Variants in PPP1R13B observed in about 807,000 individuals in gnomAD.
The protein encoded by PPP1R13B is protein phosphatase 1 regulatory subunit 13B.
Under a neutral mutation model 119.8 loss-of-function variants are expected in PPP1R13B, and 44 were observed. That is an observed-to-expected ratio of 0.37 (90% CI 0.29 to 0.47). The LOEUF (loss-of-function observed/expected upper bound fraction) is 0.47, where lower values mean the gene tolerates loss of function less well. PPP1R13B is among the 20% of genes least tolerant of loss of function. The pLI is 0.99. For missense variants in PPP1R13B, 1,227 were observed against 1,413.5 expected (o/e 0.87, Z 2.12); for synonymous variants, 542 against 561.5 (o/e 0.97, Z 0.49).
chr14:103,831,825 A>C (rs2086670168), intron 1 of PPP1R13B, among the ~76,000 whole-genome samples: 1 of 151,660 alleles, frequency 6.6e-6, no homozygotes, highest in African/African-American at 2.4e-5. Flanking sequence ...AGTCCCAGCT[A>C]TTTGGGAGGC....
At chr14:103,822,051 T>G (rs147543355) in intron 1 of PPP1R13B, among the ~76,000 whole-genome samples, 2 of 152,010 alleles carry the variant, frequency 1.3e-5, no homozygotes, top group African/African-American at 4.8e-5. Flanking sequence ...CATCTGGATA[T>G]ATGGAAACCC....
At position 103,847,502 on chromosome 14, in the gene PPP1R13B, G is replaced by C. The variant is rs1239076105; in HGVS notation, c.-195C>G. Reference sequence around the variant, plus strand: ...GTCGCGGCCGCCGGCGCGCTGCGTCGCTGTCCCGGGCACCCGGCCGCCGCC... The same window carrying C: ...GTCGCGGCCGCCGGCGCGCTGCGTCCCTGTCCCGGGCACCCGGCCGCCGCC... On this transcript the variant is annotated 5_prime_UTR_variant, in exon 1 of 17. Transcript: ENST00000202556. 1.0e-6 allele frequency: 1 copy of C among 984,818 alleles called. No individual in the cohort carries two copies. The highest frequency in any genetic ancestry group is 1.2e-6 in the Non-Finnish European group (1 of 830,598). The allele number at this position is 984,818 out of a possible 1,614,324, so 61.0% of individuals were successfully genotyped here.
At chr14:103,828,357 G>A (rs928799998) in intron 1 of PPP1R13B, among the ~76,000 whole-genome samples, 18 of 119,588 alleles carry the variant, frequency 1.5e-4, no homozygotes, top group Non-Finnish European at 3.0e-4. Context: ...CAACAAGAGC[G>A]AAACTCTGTC....
chr14:103,834,865 T>C (rs909804924), intron 1 of PPP1R13B, among the ~76,000 whole-genome samples: 120 of 152,222 alleles, frequency 7.9e-4, no homozygotes, highest in African/African-American at 2.7e-3. Flanking sequence ...AATGCTGGGA[T>C]TACAGGCGTG....
intron 7 of PPP1R13B, among the ~76,000 whole-genome samples, chr14:103,750,552 C>T (rs2084513926): frequency 6.6e-6 from 1 of 152,140 alleles, no homozygotes; most frequent in South Asian, 2.1e-4. Flanking sequence ...GATTGCAGGC[C>T]GGGTGCGGTG....
intron 1 of PPP1R13B, among the ~76,000 whole-genome samples, chr14:103,844,644 T>C (rs1250931703): frequency 6.6e-6 from 1 of 151,808 alleles, no homozygotes; most frequent in African/African-American, 2.4e-5. Context: ...CAGGAGAATC[T>C]CTCGAACCTG....
chr14:103,848,126 G>A (rs1443797135), upstream of PPP1R13B: 2 of 604,676 alleles, frequency 3.3e-6, no homozygotes, highest in South Asian at 1.5e-4. Flanking sequence ...CCGGCCCGAC[G>A]CCCTTGGCTG....
At chr14:103,754,757 TAAGA>T (rs1159399604) in intron 5 of PPP1R13B, among the ~76,000 whole-genome samples, 26 of 151,808 alleles carry the variant, frequency 1.7e-4, no homozygotes, top group Admixed American at 1.6e-3. Context: ...GCGGGATTTT[TAAGA>T]GAGAGGGTTT....
Position 103,781,303 on chromosome 14 carries a change from C to A in PPP1R13B, c.278-2482G>T, listed in dbSNP as rs1320669727. 1.3e-5 allele frequency among the ~76,000 whole-genome samples: 2 copies of A among 152,208 alleles called. 1 individual carries two copies. The highest frequency in any genetic ancestry group is 3.8e-4 in the East Asian group (2 of 5,202). On this transcript the variant is annotated intron_variant, in intron 3 of 16. Transcript: ENST00000202556. ...AGCAGCACTTCAACTGTCAGCCAGT[C>A]TAATCCTCCTCTTCAGGTGGATGTT...
rs983516828 is a variant in PPP1R13B at position 103,733,204 on chromosome 14, G to A, written c.*1950C>T. 5 of 683,666 alleles carry A rather than the reference G, an allele frequency of 7.3e-6. No individual in the cohort carries two copies. Among genetic ancestry groups the A allele is most frequent in the African/African-American group, 1.8e-5 (1 of 55,318 alleles). The allele number at this position is 683,666 out of a possible 1,614,324, so 42.3% of individuals were successfully genotyped here. On this transcript the variant is annotated 3_prime_UTR_variant, in exon 17 of 17. Coordinates refer to ENST00000202556, the MANE Select transcript of PPP1R13B (RefSeq NM_015316.3). ...TGCAATATGTTCACAGTTTATTAAT[G>A]CTTTAAACAGCTTCATGTTTTAGAA...
At chr14:103,762,558 C>G (rs2084833058) in intron 4 of PPP1R13B, among the ~76,000 whole-genome samples, 2 of 150,738 alleles carry the variant, frequency 1.3e-5, no homozygotes, top group Non-Finnish European at 2.9e-5. Context: ...CGTAACAAAC[C>G]TGCATGTTGT....
At chr14:103,843,019 T>C (rs1010459008) in intron 1 of PPP1R13B, among the ~76,000 whole-genome samples, 2 of 151,966 alleles carry the variant, frequency 1.3e-5, no homozygotes, top group African/African-American at 2.4e-5. Flanking sequence ...TCCCCACATA[T>C]ATCTCATCTA....
rs1200709033 is a variant in PPP1R13B, at chr14:103,749,653, C to CTGTCAT, written c.969+135_969+140dup. The CTGTCAT allele has an allele frequency of 8.1e-6, 7 of 863,920 alleles. No individual in the cohort carries two copies. In the Admixed American group the frequency reaches 1.8e-4, roughly 23 times the overall value. The allele number at this position is 863,920 out of a possible 1,614,324, so 53.5% of individuals were successfully genotyped here. On this transcript the variant is annotated intron_variant, in intron 8 of 16. Transcript: ENST00000202556. ...AGTCACTGGGAGAAGGAACTCTGTT[C>CTGTCAT]TGTCATTTTTGATGGTTTATGGCCT...
chr14:103,757,478 T>C (rs2084705395), intron 5 of PPP1R13B, among the ~76,000 whole-genome samples, 172 bp downstream of exon 5: 1 of 152,228 alleles, frequency 6.6e-6, no homozygotes, highest in African/African-American at 2.4e-5. Context: ...AACTACAGTA[T>C]GCATATATTA....
chr14:103,776,850 C>T (rs866280275), intron 4 of PPP1R13B, among the ~76,000 whole-genome samples: 4 of 147,872 alleles, frequency 2.7e-5, no homozygotes, highest in East Asian at 2.0e-4. Flanking sequence ...CCAGCCTGGG[C>T]GACAGAGTGA....
intron 1 of PPP1R13B, among the ~76,000 whole-genome samples, chr14:103,840,527 G>T (rs906050892): frequency 6.6e-6 from 1 of 152,174 alleles, no homozygotes; most frequent in Non-Finnish European, 1.5e-5. Flanking sequence ...AGTGGCTCAC[G>T]CCTGTAATTC....
At chr14:103,792,208 T>A (rs989144009) in intron 2 of PPP1R13B, among the ~76,000 whole-genome samples, 1 of 102,764 alleles carries the variant, frequency 9.7e-6, no homozygotes, top group East Asian at 2.7e-4. Flanking sequence ...GTGTATATTT[T>A]TTTAAAGACA....
chr14:103,813,422 G>A (rs1177136641), intron 1 of PPP1R13B, among the ~76,000 whole-genome samples: 1 of 152,160 alleles, frequency 6.6e-6, no homozygotes, highest in Non-Finnish European at 1.5e-5. Flanking sequence ...TAATACCCAT[G>A]TGTCAAGGGG....
rs151084316 is a variant in PPP1R13B at position 103,819,499 on chromosome 14, TA to T, written c.10-21982del. ...GCAAGAGAATGAGAAATCTGTCTAT[TA>T]AAAAAAACAAACAAACAAAAAAAAA... On this transcript the variant is annotated intron_variant, in intron 1 of 16. Transcript: ENST00000202556. Among the ~76,000 whole-genome samples the T allele has an allele frequency of 3.3e-5, 4 of 122,080 alleles. No individual in the cohort carries two copies. The South Asian group carries it at 7.3e-4, about 22-fold the overall frequency. 80.1% of individuals were successfully genotyped at this position (122,080 alleles called of 152,430 possible).
Sources: allele counts gnomAD v4.1 joint callset (sites outside exome capture counted in the v4.1 genomes callset), GRCh38; gene constraint gnomAD v4.1.1; transcripts MANE v1.5; gene names NCBI Gene and HGNC (gene_info 2026-07-23, HGNC 2026-07-21).